The following COL14A1 variants were observed in gnomAD, a reference collection of about 807,000 sequenced individuals.
The protein encoded by COL14A1 is collagen type XIV alpha 1 chain.
COL14A1 carries 136 observed loss-of-function variants against 230.3 expected under a neutral mutation model. The observed-to-expected ratio is 0.59, with a 90% CI of 0.51 to 0.68. COL14A1 has a LOEUF of 0.68. Ranked by LOEUF, COL14A1 falls within the 30% of genes least tolerant of loss-of-function variation. The pLI is 0.00. For missense variants in COL14A1, 1,976 were observed against 2,215.8 expected (o/e 0.89, Z 2.17); for synonymous variants, 792 against 784.1 (o/e 1.01, Z -0.17).
chr8:120,341,871 T>C (rs1173978132), intron 43 of COL14A1, among the ~76,000 whole-genome samples: 1 of 152,164 alleles, frequency 6.6e-6, no homozygotes, highest in East Asian at 1.9e-4. Flanking sequence ...CTTTCAGCAA[T>C]TGTGCAGCTG....
intron 4 of COL14A1, among the ~76,000 whole-genome samples, chr8:120,163,126 G>C (rs1815739914): frequency 6.6e-6 from 1 of 152,210 alleles, no homozygotes; most frequent in Non-Finnish European, 1.5e-5. Flanking sequence ...CTATGCAACA[G>C]GGAATTTAAT....
chr8:120,342,275 A>G, intron 43 of COL14A1, 105 bp from the exon 44 acceptor site: 1 of 1,142,668 alleles, frequency 8.8e-7, no homozygotes, highest in Non-Finnish European at 1.3e-6. Flanking sequence ...GGGGCCAAAG[A>G]TCCCTGATGG....
chr8:120,198,808 C>G (rs1223411222), intron 7 of COL14A1, among the ~76,000 whole-genome samples: 2 of 152,160 alleles, frequency 1.3e-5, no homozygotes, highest in African/African-American at 4.8e-5. Context: ...CCAGTAGAAT[C>G]CTGATCATTG....
chr8:120,258,482 G>A (rs949713502), intron 23 of COL14A1, among the ~76,000 whole-genome samples: 1 of 152,104 alleles, frequency 6.6e-6, no homozygotes, highest in Non-Finnish European at 1.5e-5. Context: ...ATCTGGTGGT[G>A]GTGGCTGGAG....
At chr8:120,366,831 T>C (rs1823419595) in intron 45 of COL14A1, among the ~76,000 whole-genome samples, 1 of 152,208 alleles carries the variant, frequency 6.6e-6, no homozygotes, top group Non-Finnish European at 1.5e-5. Flanking sequence ...ATTGTGTTAC[T>C]TGTGGAGTGC....
At chr8:120,131,847 T>TC (rs1563626720) in intron 1 of COL14A1, among the ~76,000 whole-genome samples, 1 of 131,660 alleles carries the variant, frequency 7.6e-6, no homozygotes, top group African/African-American at 2.8e-5. Flanking sequence ...TCTTTTTTTT[T>TC]TTTTTTTTTT....
At chr8:120,128,191 C>G (rs1814406078) in intron 1 of COL14A1, among the ~76,000 whole-genome samples, 1 of 150,626 alleles carries the variant, frequency 6.6e-6, no homozygotes, top group South Asian at 2.1e-4. Context: ...CAAACTGCAT[C>G]CTGTTCCTGT....
intron 1 of COL14A1, among the ~76,000 whole-genome samples, chr8:120,147,115 C>T (rs975405025): frequency 8.6e-5 from 13 of 151,594 alleles, no homozygotes; most frequent in African/African-American, 2.7e-4. Context: ...ATTATAGATA[C>T]GTAATAATTA....
At chr8:120,220,521 C>T (rs1817898646) in intron 14 of COL14A1, among the ~76,000 whole-genome samples, 1 of 152,096 alleles carries the variant, frequency 6.6e-6, no homozygotes, top group Non-Finnish European at 1.5e-5. Context: ...ATCTGCCCAC[C>T]TCGGCCTCCA....
At chr8:120,340,969 G>A (rs1822273350) in intron 42 of COL14A1, among the ~76,000 whole-genome samples, 1 of 152,152 alleles carries the variant, frequency 6.6e-6, no homozygotes, top group African/African-American at 2.4e-5. Context: ...AAATTATGAA[G>A]GATCCTCAGT....
At chr8:120,303,151 G>A (rs1314034224) in intron 36 of COL14A1, among the ~76,000 whole-genome samples, 1 of 152,124 alleles carries the variant, frequency 6.6e-6, no homozygotes, top group African/African-American at 2.4e-5. Context: ...AAGATGATGG[G>A]GTTTTCTACA....
chr8:120,247,486 A>C (rs1463587779), intron 20 of COL14A1, 127 bp from the exon 21 acceptor site: 23 of 834,022 alleles, frequency 2.8e-5, no homozygotes, highest in Non-Finnish European at 3.5e-5. Flanking sequence ...TGTGTGTTTC[A>C]GTGCACTTTC....
chr8:120,181,081 A>G (rs1164315374), intron 5 of COL14A1, among the ~76,000 whole-genome samples: 3 of 152,180 alleles, frequency 2.0e-5, no homozygotes, highest in African/African-American at 7.2e-5. Context: ...TCTTGTGCCC[A>G]TCTCTGATCC....
At chr8:120,298,597 T>TA (rs1554620764) in intron 35 of COL14A1, among the ~76,000 whole-genome samples, 1 of 57,988 alleles carries the variant, frequency 1.7e-5, no homozygotes, top group East Asian at 1.1e-3. Flanking sequence ...CCCATATATT[T>TA]TATATATATA....
At chr8:120,137,747 T>G (rs541049112) in intron 1 of COL14A1, among the ~76,000 whole-genome samples, 1 of 149,682 alleles carries the variant, frequency 6.7e-6, no homozygotes, top group East Asian at 1.9e-4. Context: ...TTTTCAAATA[T>G]TTTGAATTTA....
intron 4 of COL14A1, among the ~76,000 whole-genome samples, chr8:120,165,169 T>G (rs1815821985): frequency 6.6e-6 from 1 of 152,358 alleles, no homozygotes; most frequent in South Asian, 2.1e-4. Context: ...CTTGGATAGC[T>G]TTCTTTTCCC....
intron 42 of COL14A1, among the ~76,000 whole-genome samples, chr8:120,339,019 T>C (rs1469441828): frequency 6.6e-6 from 1 of 152,130 alleles, no homozygotes. Context: ...AATCTTACTT[T>C]TGCAAAAAAA....
chr8:120,202,487 G>A (rs1817281531), intron 8 of COL14A1, among the ~76,000 whole-genome samples: 1 of 152,120 alleles, frequency 6.6e-6, no homozygotes, highest in Non-Finnish European at 1.5e-5. Context: ...AAATGACGGG[G>A]ATTATAAAGA....
At chr8:120,206,857 T>C (rs1817449825) in intron 9 of COL14A1, 86 bp from the exon 10 acceptor site, 1 of 1,278,752 alleles carries the variant, frequency 7.8e-7, no homozygotes, top group Admixed American at 3.0e-5. Context: ...ATAAAATCAA[T>C]ATTTATTTCT....
Sources: gnomAD v4.1 joint callset for allele counts (sites outside exome capture counted in the v4.1 genomes callset) on GRCh38, gnomAD v4.1.1 for gene constraint, MANE v1.5 for transcripts, NCBI Gene and HGNC (gene_info 2026-07-23, HGNC 2026-07-21) for gene names.